The following DNAH14 variants were observed in gnomAD, a reference collection of about 807,000 sequenced individuals.
DNAH14 encodes the protein axonemal beta dynein heavy chain 14.
In DNAH14, 478 loss-of-function variants were observed where a neutral mutation model predicts 520.9. The ratio of observed to expected loss-of-function variants is 0.92; its 90% CI spans 0.85 to 0.99. The LOEUF (loss-of-function observed/expected upper bound fraction) is 0.99. Ranked by LOEUF, DNAH14 falls within the 50% of genes least tolerant of loss-of-function variation. The pLI, the probability that DNAH14 is intolerant of heterozygous loss-of-function variation, is 0.00. For synonymous variants in DNAH14, 1,581 were observed against 1,757.2 expected (o/e 0.90, Z 2.51); for missense variants, 4,831 against 5,234.5 (o/e 0.92, Z 2.38).
At chr1:224,981,486 G>A (rs1051266996) in intron 8 of DNAH14, among the ~76,000 whole-genome samples, 1 of 152,126 alleles carries the variant, frequency 6.6e-6, no homozygotes, top group African/African-American at 2.4e-5. Context: ...TCTGTTCAGG[G>A]TATCTAATTC....
chr1:225,262,857 T>G (rs916861548), intron 46 of DNAH14, among the ~76,000 whole-genome samples: 2 of 152,008 alleles, frequency 1.3e-5, no homozygotes, highest in Admixed American at 6.6e-5. Flanking sequence ...AATTTTAGTA[T>G]TTTTTTAACC....
At chr1:225,349,898 A>G (rs750707308) in intron 71 of DNAH14, among the ~76,000 whole-genome samples, 5 of 152,188 alleles carry the variant, frequency 3.3e-5, no homozygotes, top group African/African-American at 4.8e-5. Context: ...ACAATGAAAC[A>G]GAAGGTCATA....
chr1:225,042,389 G>A (rs2067559200), intron 12 of DNAH14, among the ~76,000 whole-genome samples: 1 of 152,184 alleles, frequency 6.6e-6, no homozygotes, highest in African/African-American at 2.4e-5. Context: ...GTATATTAAA[G>A]TGAAGAGCTA....
chr1:225,033,909 A>G (rs1286079563), intron 11 of DNAH14, among the ~76,000 whole-genome samples: 1 of 152,178 alleles, frequency 6.6e-6, no homozygotes, highest in African/African-American at 2.4e-5. Context: ...TGATTTCTGT[A>G]CATTGATTTT....
In DNAH14 at chr1:224,958,344, A is replaced by G. The variant is rs148751548; in HGVS notation, c.218-1809A>G. On this transcript the variant is annotated intron_variant, in intron 3 of 85. Transcript: ENST00000682510. ...TTAATTAAAATGAATTTTGGGGGTT[A>G]CCAATCCACGTAGGGCCTCTTTCAA... 8.0e-3 allele frequency among the ~76,000 whole-genome samples: 1,217 copies of G among 152,188 alleles called. 7 individuals are homozygous for G. Among genetic ancestry groups the G allele is most frequent in the Middle Eastern group, 0.037 (11 of 294 alleles).
intron 8 of DNAH14, among the ~76,000 whole-genome samples, chr1:224,991,193 C>T (rs1212102633): frequency 2.1e-5 from 3 of 140,190 alleles, no homozygotes; most frequent in African/African-American, 7.8e-5. Context: ...CTCTTGGGTT[C>T]AAGCGATTCT....
At chr1:225,051,383 G>A (rs1375407403) in intron 16 of DNAH14, 68 bp from the exon 17 acceptor site, 1 of 1,139,202 alleles carries the variant, frequency 8.8e-7, no homozygotes, top group African/African-American at 1.6e-5. Context: ...GAAACTATTA[G>A]CATGCCAAAC....
rs17578819 is a variant in DNAH14, at chr1:225,152,708, G to A, written c.5021G>A (p.Gly1674Glu). ...FITMNPRYGG[G>E]VELPDNLKSL... ...CTTTTCCTCTTCAGATACGGAGGTG[G>A]AGTAGAGCTCCCAGATAACTTAAAA... The change falls in exon 33 of 86, where the codon GGA (glycine) becomes GAA (glutamate). Residue 1674 changes from glycine (G) to glutamate (E), a missense_variant. Gly to Glu is a moderately conservative substitution (Grantham distance 98). Transcript: ENST00000682510. 13,440 of 1,548,068 alleles carry A rather than the reference G, an allele frequency of 8.7e-3. 73 individuals are homozygous for A. The highest frequency in any genetic ancestry group is 9.5e-3 in the Non-Finnish European group (10,857 of 1,145,464).
intron 17 of DNAH14, among the ~76,000 whole-genome samples, chr1:225,055,101 TTGATGATAATCTTCCCTCTCC>T (rs886807966): frequency 3.0e-4 from 45 of 152,260 alleles, no homozygotes; most frequent in African/African-American, 1.0e-3. Context: ...TTAAATTTCT[TTGATGATAATCTTCCCTCTCC>T]TGATTCTCAT....
At chr1:225,374,092 G>C (rs28406861) in intron 77 of DNAH14, among the ~76,000 whole-genome samples, 17,198 of 128,036 alleles carry the variant, frequency 0.13, 2,934 homozygotes, top group African/African-American at 0.4. Flanking sequence ...CTGGGCAACA[G>C]AGTGAGACCC....
At chr1:225,106,544 A>C (rs1190440835) in intron 23 of DNAH14, among the ~76,000 whole-genome samples, 2 of 152,024 alleles carry the variant, frequency 1.3e-5, no homozygotes, top group South Asian at 2.1e-4. Flanking sequence ...TGGTCTTTTC[A>C]CATAGTCCCA....
intron 15 of DNAH14, among the ~76,000 whole-genome samples, chr1:225,048,563 A>G (rs2068178562): frequency 6.6e-6 from 1 of 152,156 alleles, no homozygotes. Context: ...CTTTTTTTAA[A>G]TTGCTATGCT....
chr1:224,996,436 G>A (rs1174713698), intron 8 of DNAH14, among the ~76,000 whole-genome samples: 2 of 152,276 alleles, frequency 1.3e-5, no homozygotes, highest in East Asian at 3.9e-4. Context: ...GTTGGGATTA[G>A]AGGCATGAGT....
intron 17 of DNAH14, among the ~76,000 whole-genome samples, chr1:225,067,945 A>G (rs1169651859): frequency 2.0e-5 from 3 of 152,046 alleles, no homozygotes; most frequent in Admixed American, 6.5e-5. Flanking sequence ...GAAGCTCTTT[A>G]GTTTAATTAG....
intron 36 of DNAH14, among the ~76,000 whole-genome samples, chr1:225,174,466 C>G (rs1333576095): frequency 6.6e-6 from 1 of 151,994 alleles, no homozygotes; most frequent in Non-Finnish European, 1.5e-5. Flanking sequence ...TAATTTCTTT[C>G]TCAGTCAGTG....
At chr1:225,282,526 A>G (rs2093649645) in intron 54 of DNAH14, among the ~76,000 whole-genome samples, 2 of 152,234 alleles carry the variant, frequency 1.3e-5, no homozygotes, top group African/African-American at 4.8e-5. Context: ...ACATGGTCCC[A>G]GAAAGCAGGT....
At chr1:225,285,528 G>C (rs547071872) in intron 54 of DNAH14, among the ~76,000 whole-genome samples, 1 of 147,866 alleles carries the variant, frequency 6.8e-6, no homozygotes, top group South Asian at 2.2e-4. Flanking sequence ...CTGGGTGATA[G>C]AGCGAGACTC....
At chr1:225,062,861 G>GA (rs1364224242) in intron 17 of DNAH14, among the ~76,000 whole-genome samples, 4 of 151,982 alleles carry the variant, frequency 2.6e-5, no homozygotes, top group Non-Finnish European at 4.4e-5. Flanking sequence ...TTAATTACCT[G>GA]AAAAAATGAA....
chr1:225,170,747 T>C (rs968222583), intron 36 of DNAH14, among the ~76,000 whole-genome samples: 1 of 152,116 alleles, frequency 6.6e-6, no homozygotes, highest in Non-Finnish European at 1.5e-5. Context: ...ACGAATTGAA[T>C]TGAGCTCTGC....
Sources: allele counts gnomAD v4.1 joint callset (sites outside exome capture counted in the v4.1 genomes callset), GRCh38; gene constraint gnomAD v4.1.1; transcripts MANE v1.5; gene names NCBI Gene and HGNC (gene_info 2026-07-23, HGNC 2026-07-21).